The following FBXL2 variants were observed in gnomAD, a reference collection of about 807,000 sequenced individuals.
The protein encoded by FBXL2 is F-box/LRR-repeat protein 2.
In FBXL2, 38 loss-of-function variants were observed where a neutral mutation model predicts 69.2. The observed-to-expected ratio is 0.55, with a 90% confidence interval of 0.42 to 0.72. The LOEUF is 0.72. Ranked by LOEUF, FBXL2 falls within the 30% of genes least tolerant of loss-of-function variation. The pLI is 0.00. For missense variants in FBXL2, 354 were observed against 520.3 expected (o/e 0.68, Z 3.11); for synonymous variants, 192 against 201.3 (o/e 0.95, Z 0.39).
chr3:33,358,953 T>C lies in FBXL2; in HGVS notation c.66-14T>C. The C allele has an allele frequency of 1.3e-6, 2 of 1,505,956 alleles. No homozygotes were observed. Among genetic ancestry groups the C allele is most frequent in the Non-Finnish European group, 1.8e-6 (2 of 1,117,724 alleles). The allele number at this position is 1,505,956 out of a possible 1,614,324, so 93.3% of individuals were successfully genotyped here. A position where few individuals can be genotyped will look rare whatever the true frequency, so the allele number is the denominator to read the frequency against. On this transcript the variant is annotated splice_polypyrimidine_tract_variant and intron_variant, in intron 2 of 14. Coordinates refer to ENST00000484457, the MANE Select transcript of FBXL2 (RefSeq NM_012157.5). ...ACACCATCTCGTTTTTGTGTTTTTT[T>C]CCTCTCTCTGTAGAATATTTTCCTT... is the stretch of plus-strand genomic sequence containing the variant.
chr3:33,375,314 G>T lies in FBXL2; in HGVS notation c.684G>T (p.Gln228His). The change falls in exon 10 of 15, where the codon CAG becomes CAT. Residue 228 changes from glutamine to histidine, a missense_variant. Coordinates refer to ENST00000484457, the MANE Select transcript of FBXL2 (RefSeq NM_012157.5). ...CSRITDEGVV[Q>H]ICRGCHRLQA... ...GTATCACGGATGAAGGTGTGGTGCA[G>T]ATATGCAGGGGCTGTCACCGGCTAC... 1 of 1,614,226 alleles carries T rather than the reference G, an allele frequency of 6.2e-7. No individual in the cohort carries two copies. The highest frequency in any genetic ancestry group is 8.5e-7 in the Non-Finnish European group (1 of 1,180,018).
At chr3:33,333,804 C>T (rs1259752669) in intron 2 of FBXL2, among the ~76,000 whole-genome samples, 2 of 152,166 alleles carry the variant, frequency 1.3e-5, no homozygotes, top group South Asian at 2.1e-4. Flanking sequence ...AGAGAGAAAT[C>T]GTCTAGTTCT....
chr3:33,308,936 C>T (rs190675110), intron 2 of FBXL2, among the ~76,000 whole-genome samples: 14 of 152,148 alleles, frequency 9.2e-5, no homozygotes, highest in African/African-American at 3.4e-4. Context: ...GATTAGAAAA[C>T]GTATTTGATG....
chr3:33,285,680 A>G (rs560429529), intron 1 of FBXL2, among the ~76,000 whole-genome samples: 6 of 152,326 alleles, frequency 3.9e-5, no homozygotes, highest in East Asian at 3.9e-4. Context: ...AGGTACACCA[A>G]TCAGACGTAG....
In FBXL2 at chr3:33,339,022, A is replaced by C. The variant is rs549471722; in HGVS notation, c.66-19945A>C. On this transcript the variant is annotated intron_variant, in intron 2 of 14. Transcript: ENST00000484457. ...GAATGGGAGAAAATATTTGCAAACT[A>C]TGCACCTGACAAAGGCCTAATATCC... 2.6e-3 allele frequency among the ~76,000 whole-genome samples: 389 copies of C among 152,190 alleles called. 1 individual carries two copies. The highest frequency in any genetic ancestry group is 2.5e-3 in the Non-Finnish European group (171 of 68,032).
chr3:33,407,457 A>T (rs958545976), downstream of FBXL2, among the ~76,000 whole-genome samples: 2 of 152,140 alleles, frequency 1.3e-5, no homozygotes, highest in African/African-American at 4.8e-5. Context: ...TCAGCTGAGA[A>T]ATCAGAAGAG....
intron 2 of FBXL2, among the ~76,000 whole-genome samples, chr3:33,322,645 A>T (rs2038334857): frequency 6.6e-6 from 1 of 152,200 alleles, no homozygotes; most frequent in Non-Finnish European, 1.5e-5. Context: ...CCTTGTGATA[A>T]AACTATAAAG....
rs371860094 is a variant in FBXL2 at position 33,375,363 on chromosome 3, A to G, written c.733A>G (p.Ser245Gly). The change falls in exon 10 of 15, where the codon AGC (serine) becomes GGC (glycine). Residue 245 changes from serine (S) to glycine (G), a missense_variant. Transcript: ENST00000484457. Reference protein sequence around the residue: ...RLQALCLSGCSNLTDASLTAL... With the variant: ...RLQALCLSGCGNLTDASLTAL... The stretch of plus-strand genomic sequence containing the variant: ...ACAGGCTCTCTGCCTTTCGGGTTGC[A>G]GCAACCTCACAGATGCCTCTCTTAC... The G allele has an allele frequency of 7.4e-6, 12 of 1,614,188 alleles. No individual in the cohort carries two copies. The highest frequency in any genetic ancestry group is 1.0e-5 in the Non-Finnish European group (12 of 1,180,022).
chr3:33,396,153 A>G (rs375233908), intron 12 of FBXL2: 11 of 1,559,138 alleles, frequency 7.1e-6, no homozygotes, highest in Non-Finnish European at 8.8e-6. Flanking sequence ...AGATGCCCTC[A>G]ATACCTACCA....
Position 33,345,760 on chromosome 3 carries a change from T to A in FBXL2, c.66-13207T>A, listed in dbSNP as rs144982167. 3.0e-3 allele frequency among the ~76,000 whole-genome samples: 462 copies of A among 152,196 alleles called. 10 individuals carry two copies. The highest frequency in any genetic ancestry group is 0.028 in the East Asian group (143 of 5,188). Reference sequence around the variant, plus strand: ...AGAAAGCCAAAAATTCCCAAAATATTTGGAGATTAAACAACACATTTCTAA... The same window carrying A: ...AGAAAGCCAAAAATTCCCAAAATATATGGAGATTAAACAACACATTTCTAA... On this transcript the variant is annotated intron_variant, in intron 2 of 14. Transcript: ENST00000484457.
chr3:33,411,596 G>A, the FBXL2 span: 1 of 1,614,072 alleles, frequency 6.2e-7, no homozygotes, highest in Non-Finnish European at 8.5e-7. Context: ...TGAAAGCAGA[G>A]GTGCGTTTTG....
the FBXL2 span, chr3:33,412,666 C>A: frequency 1.8e-6 from 2 of 1,123,352 alleles, no homozygotes; most frequent in Non-Finnish European, 2.7e-6. Flanking sequence ...CAACACATTA[C>A]TGGCTATAGC....
At chr3:33,341,832 GA>G (rs56386082) in intron 2 of FBXL2, among the ~76,000 whole-genome samples, 23,746 of 58,300 alleles carry the variant, frequency 0.41, 4,290 homozygotes, top group Middle Eastern at 0.5. Context: ...TCCGTCTCAG[GA>G]AAAAAAAAAA....
chr3:33,375,024 T>A (rs2042546074), intron 9 of FBXL2, among the ~76,000 whole-genome samples: 1 of 152,220 alleles, frequency 6.6e-6, no homozygotes, highest in Non-Finnish European at 1.5e-5. Flanking sequence ...AATTTTAAAC[T>A]TTTATTCTCC....
intron 1 of FBXL2, among the ~76,000 whole-genome samples, chr3:33,279,320 G>C (rs2033698597): frequency 1.3e-5 from 2 of 151,992 alleles, no homozygotes; most frequent in Admixed American, 1.3e-4. Context: ...GCCCAGGCTG[G>C]AGTGCAGTGG....
downstream of FBXL2, chr3:33,390,447 C>T: frequency 6.9e-7 from 1 of 1,451,946 alleles, no homozygotes; most frequent in East Asian, 2.3e-5. Context: ...TCCCTGCCAA[C>T]TACAACCTCC....
intron 12 of FBXL2, chr3:33,402,949 A>T: frequency 1.4e-6 from 2 of 1,480,874 alleles, no homozygotes; most frequent in East Asian, 2.4e-5. Flanking sequence ...CTTTTAAAAT[A>T]TGTGGAAGAA....
chr3:33,384,191 A>G lies in FBXL2; in HGVS notation c.1154A>G (p.Lys385Arg). Reference sequence around the variant, plus strand: ...CAGCAGGTTACCCGTGCAGGCATCAAGCGGATGCGGGTAGGTATGGGGCAG... The same window carrying G: ...CAGCAGGTTACCCGTGCAGGCATCAGGCGGATGCGGGTAGGTATGGGGCAG... ...DCQQVTRAGI[K>R]RMRAQLPHVK... Residue 385 changes from lysine to arginine, a missense_variant, in exon 14 of 15, where the codon AAG becomes AGG. Transcript: ENST00000484457. 5.6e-6 allele frequency: 9 copies of G among 1,613,960 alleles called. No homozygotes were observed. Among genetic ancestry groups the G allele is most frequent in the Non-Finnish European group, 6.8e-6 (8 of 1,179,964 alleles).
chr3:33,301,116 A>T (rs1173459632), intron 2 of FBXL2, among the ~76,000 whole-genome samples: 1 of 151,994 alleles, frequency 6.6e-6, no homozygotes, highest in Non-Finnish European at 1.5e-5. Flanking sequence ...CAAAGCCCCC[A>T]CCTCATGAAG....
Sources: gnomAD v4.1 joint callset for allele counts (sites outside exome capture counted in the v4.1 genomes callset) on GRCh38, gnomAD v4.1.1 for gene constraint, MANE v1.5 for transcripts, NCBI Gene and HGNC (gene_info 2026-07-23, HGNC 2026-07-21) for gene names.